The following CSMD1 variants were observed in gnomAD, a reference collection of about 807,000 sequenced individuals.
The protein encoded by CSMD1 is CUB and Sushi multiple domains 1, also known as CUB and sushi domain-containing protein 1.
Under a neutral mutation model 417.5 loss-of-function variants are expected in CSMD1, and 213 were observed. That is an observed-to-expected ratio of 0.51 (90% CI 0.46 to 0.57). CSMD1 has a LOEUF of 0.57. CSMD1 is among the 20% of genes least tolerant of loss of function. CSMD1 has a pLI of 0.00. For synonymous variants in CSMD1, 2,862 were observed against 1,736.8 expected, an observed-to-expected ratio of 1.65 and a Z score of -16.11; for missense variants, 6,923 against 4,529.7, an observed-to-expected ratio of 1.53 and a Z score of -15.17.
chr8:4,288,438 T>G (rs1797180815), intron 3 of CSMD1, among the ~76,000 whole-genome samples: 1 of 152,166 alleles, frequency 6.6e-6, no homozygotes, highest in South Asian at 2.1e-4. Context: ...GAAATTCAAT[T>G]CAATGCTGTA....
chr8:4,387,570 C>CAAAAAAAAAAAAGAA (rs1803536904), intron 3 of CSMD1, among the ~76,000 whole-genome samples: 1 of 37,208 alleles, frequency 2.7e-5, no homozygotes, highest in Non-Finnish European at 5.8e-5. Flanking sequence ...TCCAAACTGG[C>CAAAAAAAAAAAAGAA]AAAAAAAAAA....
chr8:3,438,626 AT>A (rs1232166675), intron 12 of CSMD1, among the ~76,000 whole-genome samples: 1 of 152,102 alleles, frequency 6.6e-6, no homozygotes, highest in Non-Finnish European at 1.5e-5. Context: ...AGATGAATTA[AT>A]TTGTTTAACT....
At chr8:4,008,258 T>C (rs1456383190) in intron 4 of CSMD1, among the ~76,000 whole-genome samples, 1 of 152,124 alleles carries the variant, frequency 6.6e-6, no homozygotes, top group Non-Finnish European at 1.5e-5. Context: ...ATATAAAATA[T>C]GAAATGTATT....
chr8:3,327,224 G>A (rs1314213294), intron 23 of CSMD1, among the ~76,000 whole-genome samples: 2 of 151,604 alleles, frequency 1.3e-5, no homozygotes, highest in Non-Finnish European at 2.9e-5. Flanking sequence ...CTCACTGTAA[G>A]CTCCGCCTCC....
chr8:3,437,098 T>C lies in CSMD1; in HGVS notation c.1562-27493A>G, dbSNP rs568469595. On this transcript the variant is annotated intron_variant, in intron 12 of 69. Transcript: ENST00000635120. Reference sequence around the variant, plus strand: ...CATCGAAAAACTTCAAAGACTGAAGTGCAAACTCATTTTCTTTGCTTGATC... The same window carrying C: ...CATCGAAAAACTTCAAAGACTGAAGCGCAAACTCATTTTCTTTGCTTGATC... Among the ~76,000 whole-genome samples the C allele has an allele frequency of 5.8e-4, 88 of 152,300 alleles. 1 individual carries two copies. In the South Asian group the frequency reaches 0.016, roughly 28 times the overall value.
rs73658286 is a variant in CSMD1, at chr8:3,812,756, T to C, written c.819-58714A>G. ...ACCACATCTCCCCAAGTCTTGCCTATTTTAATTAACCAAGGGTCAATGTAT... is the reference window on the plus strand; with the variant it reads ...ACCACATCTCCCCAAGTCTTGCCTACTTTAATTAACCAAGGGTCAATGTAT... On this transcript the variant is annotated intron_variant, in intron 5 of 69. Coordinates refer to ENST00000635120, the MANE Select transcript of CSMD1 (RefSeq NM_033225.6). Among the ~76,000 whole-genome samples the C allele has an allele frequency of 1.4e-3, 217 of 152,312 alleles. 1 individual carries two copies. Among genetic ancestry groups the C allele is most frequent in the African/African-American group, 4.5e-3 (185 of 41,562 alleles).
At chr8:4,281,564 A>G (rs1458865410) in intron 3 of CSMD1, among the ~76,000 whole-genome samples, 1 of 152,168 alleles carries the variant, frequency 6.6e-6, no homozygotes, top group Non-Finnish European at 1.5e-5. Flanking sequence ...GACAAATGAG[A>G]CTGTTCTTTT....
chr8:3,948,212 CAATAATAAT>C, intron 5 of CSMD1, among the ~76,000 whole-genome samples: 1 of 151,772 alleles, frequency 6.6e-6, no homozygotes, highest in Non-Finnish European at 1.5e-5. Context: ...TAAATAATAA[CAATAATAAT>C]AATAATAACA....
intron 3 of CSMD1, among the ~76,000 whole-genome samples, chr8:4,130,267 T>A (rs1803017596): frequency 6.6e-6 from 1 of 152,172 alleles, no homozygotes; most frequent in African/African-American, 2.4e-5. Context: ...ATGTCTATAT[T>A]CATGCAAACG....
chr8:3,367,305 G>T, intron 19 of CSMD1, 58 bp from the exon 20 acceptor site: 2 of 1,102,150 alleles, frequency 1.8e-6, no homozygotes, highest in South Asian at 1.3e-5. Flanking sequence ...CGGGGCGGCG[G>T]GGGCAGAGAG....
intron 7 of CSMD1, among the ~76,000 whole-genome samples, chr8:3,617,763 G>T (rs1461773835): frequency 6.6e-6 from 1 of 152,134 alleles, no homozygotes; most frequent in African/African-American, 2.4e-5. Context: ...CAATTTAGGA[G>T]CAATGTCGCA....
At chr8:3,333,590 A>G (rs747206372) in intron 23 of CSMD1, among the ~76,000 whole-genome samples, 1 of 152,248 alleles carries the variant, frequency 6.6e-6, no homozygotes, top group African/African-American at 2.4e-5. Context: ...TTAGAGCAGC[A>G]TAATATGTTT....
chr8:3,770,482 T>G (rs181011999), intron 5 of CSMD1, among the ~76,000 whole-genome samples: 43 of 152,012 alleles, frequency 2.8e-4, no homozygotes, highest in Admixed American at 8.5e-4. Context: ...TGAGCCAAGA[T>G]CACACCACTG....
chr8:3,679,177 C>T (rs1398277342), intron 7 of CSMD1, among the ~76,000 whole-genome samples: 2 of 152,100 alleles, frequency 1.3e-5, no homozygotes, highest in Non-Finnish European at 2.9e-5. Context: ...CAAATTCACA[C>T]ATAACAATAT....
At chr8:3,984,729 ATATATATATATATATATATATATT>A (rs1338485229) in intron 5 of CSMD1, among the ~76,000 whole-genome samples, 12 of 118,948 alleles carry the variant, frequency 1.0e-4, no homozygotes, top group South Asian at 2.6e-4. Context: ...ATATATATAT[ATATATATATATATATATATATATT>A]TGTATGTATT....
rs537582912 is a variant in CSMD1, at chr8:3,415,362, G to A, written c.1562-5757C>T. On this transcript the variant is annotated intron_variant, in intron 12 of 69. Coordinates refer to ENST00000635120, the MANE Select transcript of CSMD1 (RefSeq NM_033225.6). Reference sequence around the variant, plus strand: ...GATCCCTTGAACTTATTTACATGTTGCATTTATTTATTTGAAATGGAGCCT... The same window carrying A: ...GATCCCTTGAACTTATTTACATGTTACATTTATTTATTTGAAATGGAGCCT... Among the ~76,000 whole-genome samples, 6 of 152,132 alleles carry A rather than the reference G, an allele frequency of 3.9e-5. No homozygotes were observed. The East Asian group carries it at 7.7e-4, about 20-fold the overall frequency.
chr8:3,785,227 C>T (rs984760702), intron 5 of CSMD1, among the ~76,000 whole-genome samples: 3 of 152,294 alleles, frequency 2.0e-5, no homozygotes, highest in South Asian at 2.1e-4. Context: ...ATCAATCCAT[C>T]ACAGTTTGTG....
At chr8:3,168,241 T>C (rs952106983) in intron 37 of CSMD1, among the ~76,000 whole-genome samples, 3 of 152,132 alleles carry the variant, frequency 2.0e-5, no homozygotes, top group South Asian at 2.1e-4. Context: ...ATGAACACTA[T>C]GTGGAACGTA....
chr8:3,977,687 C>T (rs961735196), intron 5 of CSMD1, among the ~76,000 whole-genome samples: 1 of 152,142 alleles, frequency 6.6e-6, no homozygotes, highest in African/African-American at 2.4e-5. Context: ...TGGTAAATCA[C>T]CAACTTTCTC....
Sources: allele counts gnomAD v4.1 joint callset (sites outside exome capture counted in the v4.1 genomes callset), GRCh38; gene constraint gnomAD v4.1.1; transcripts MANE v1.5; gene names NCBI Gene and HGNC (gene_info 2026-07-23, HGNC 2026-07-21).